NCAM2: variants seen among roughly 807,000 people sequenced by gnomAD.
NCAM2 encodes N-CAM-2.
A neutral mutation model predicts 98.1 loss-of-function variants in NCAM2; 30 were observed. The ratio of observed to expected loss-of-function variants is 0.31; its 90% CI spans 0.23 to 0.41. NCAM2 has a LOEUF of 0.41. NCAM2 is among the 10% of genes least tolerant of loss of function. NCAM2 has a pLI of 1.00. For missense variants in NCAM2, 867 were observed against 1,005.8 expected, an observed-to-expected ratio of 0.86 and a Z score of 1.87; for synonymous variants, 368 against 342.4, an observed-to-expected ratio of 1.07 and a Z score of -0.83.
intron 1 of NCAM2, among the ~76,000 whole-genome samples, chr21:21,013,106 G>A (rs907774795): frequency 2.0e-5 from 3 of 151,952 alleles, no homozygotes; most frequent in Admixed American, 2.0e-4. Flanking sequence ...GTCAAAAGAC[G>A]GGTCACAGGT....
chr21:21,444,735 T>C (rs1344622771), intron 12 of NCAM2, among the ~76,000 whole-genome samples: 1 of 152,192 alleles, frequency 6.6e-6, no homozygotes, highest in Non-Finnish European at 1.5e-5. Flanking sequence ...TTCTTCTTTA[T>C]TAGACTAGTT....
At chr21:21,371,366 T>C (rs942021931) in intron 8 of NCAM2, among the ~76,000 whole-genome samples, 5 of 151,764 alleles carry the variant, frequency 3.3e-5, no homozygotes, top group African/African-American at 1.2e-4. Flanking sequence ...TGAGTTTACT[T>C]ACTCGATAGA....
intron 1 of NCAM2, among the ~76,000 whole-genome samples, chr21:21,055,661 G>T (rs1266401193): frequency 6.6e-6 from 1 of 152,014 alleles, no homozygotes; most frequent in Non-Finnish European, 1.5e-5. Flanking sequence ...GATCACTGGG[G>T]AACTGGTGTT....
At chr21:21,261,036 A>G (rs1338577531) in intron 1 of NCAM2, among the ~76,000 whole-genome samples, 1 of 152,194 alleles carries the variant, frequency 6.6e-6, no homozygotes, top group Non-Finnish European at 1.5e-5. Context: ...TAAAACAAAA[A>G]AAAGAACAAG....
chr21:21,356,633 C>G (rs1365117959), intron 8 of NCAM2, among the ~76,000 whole-genome samples: 1 of 152,070 alleles, frequency 6.6e-6, no homozygotes, highest in Admixed American at 6.6e-5. Context: ...TAACAACTAT[C>G]AATAAATAAT....
intron 10 of NCAM2, among the ~76,000 whole-genome samples, chr21:21,417,516 G>T (rs1280252460): frequency 6.6e-6 from 1 of 151,856 alleles, no homozygotes; most frequent in Non-Finnish European, 1.5e-5. Flanking sequence ...TCCCTCTTTT[G>T]GGATAGAGTT....
chr21:21,200,997 A>G (rs1283538765), intron 1 of NCAM2, among the ~76,000 whole-genome samples: 1 of 152,008 alleles, frequency 6.6e-6, no homozygotes, highest in Non-Finnish European at 1.5e-5. Flanking sequence ...ATACTTTTTT[A>G]TGATTTTAAT....
At chr21:21,299,491 G>T (rs1027849481) in intron 5 of NCAM2, among the ~76,000 whole-genome samples, 1 of 151,658 alleles carries the variant, frequency 6.6e-6, no homozygotes, top group South Asian at 2.1e-4. Context: ...AGCATAGTTT[G>T]TTTTTCTTTT....
chr21:21,248,415 A>G (rs1430349332), intron 1 of NCAM2, among the ~76,000 whole-genome samples: 1 of 151,974 alleles, frequency 6.6e-6, no homozygotes. Context: ...TAATCTTCCA[A>G]TGTTCTTTTA....
At chr21:21,412,050 G>C (rs2076897259) in intron 10 of NCAM2, among the ~76,000 whole-genome samples, 1 of 152,204 alleles carries the variant, frequency 6.6e-6, no homozygotes, top group Non-Finnish European at 1.5e-5. Flanking sequence ...TGTGTAGTGT[G>C]TAGTCTCCTT....
intron 1 of NCAM2, among the ~76,000 whole-genome samples, chr21:21,089,463 C>T (rs1237918149): frequency 6.6e-6 from 1 of 152,110 alleles, no homozygotes; most frequent in Non-Finnish European, 1.5e-5. Flanking sequence ...TAAAAAACCA[C>T]ACTTTTTTCC....
At chr21:21,521,356 C>T (rs1194928920) in intron 16 of NCAM2, among the ~76,000 whole-genome samples, 1 of 152,164 alleles carries the variant, frequency 6.6e-6, no homozygotes, top group African/African-American at 2.4e-5. Flanking sequence ...TTTACCCCTA[C>T]TCAGTATGTT....
intron 1 of NCAM2, among the ~76,000 whole-genome samples, chr21:21,166,351 G>A (rs925073513): frequency 1.3e-5 from 2 of 152,120 alleles, no homozygotes; most frequent in African/African-American, 4.8e-5. Flanking sequence ...GGGATTACAG[G>A]CGCCCACCAC....
At chr21:21,082,225 T>TTA (rs1555882202) in intron 1 of NCAM2, among the ~76,000 whole-genome samples, 3 of 82,918 alleles carry the variant, frequency 3.6e-5, no homozygotes, top group African/African-American at 1.3e-4. Context: ...GAGAATCCTT[T>TTA]AAAAAAAAAA....
At chr21:21,195,933 A>T (rs1320054028) in intron 1 of NCAM2, among the ~76,000 whole-genome samples, 1 of 152,216 alleles carries the variant, frequency 6.6e-6, no homozygotes, top group Non-Finnish European at 1.5e-5. Flanking sequence ...ATGAGGATGG[A>T]GAGGTAGTTT....
chr21:21,166,048 A>AT (rs2067941378), intron 1 of NCAM2, among the ~76,000 whole-genome samples: 1 of 152,066 alleles, frequency 6.6e-6, no homozygotes, highest in Non-Finnish European at 1.5e-5. Context: ...TGAGAAACCT[A>AT]TTGTATTTTT....
At chr21:21,388,263 G>A (rs1310455143) in intron 9 of NCAM2, among the ~76,000 whole-genome samples, 1 of 152,158 alleles carries the variant, frequency 6.6e-6, no homozygotes, top group Non-Finnish European at 1.5e-5. Context: ...CCTTCTATTT[G>A]GAGGTCTTTT....
intron 1 of NCAM2, among the ~76,000 whole-genome samples, chr21:21,035,062 G>A (rs1178847805): frequency 6.6e-6 from 1 of 152,118 alleles, no homozygotes; most frequent in Non-Finnish European, 1.5e-5. Flanking sequence ...ATATCTTGAG[G>A]TTCTCAGACC....
At chr21:21,043,682 A>G (rs563829079) in intron 1 of NCAM2, among the ~76,000 whole-genome samples, 1 of 151,696 alleles carries the variant, frequency 6.6e-6, no homozygotes, top group African/African-American at 2.4e-5. Context: ...GAAACCGCGA[A>G]TCTACTAAAA....
Sources: gnomAD v4.1 joint callset for allele counts (sites outside exome capture counted in the v4.1 genomes callset) on GRCh38, gnomAD v4.1.1 for gene constraint, MANE v1.5 for transcripts, NCBI Gene and HGNC (gene_info 2026-07-23, HGNC 2026-07-21) for gene names.